NAV3: variants seen among roughly 807,000 people sequenced by gnomAD.
NAV3 encodes pore membrane and/or filament interacting like protein 1.
In NAV3, 87 loss-of-function variants were observed where a neutral mutation model predicts 244.7. That is an observed-to-expected ratio of 0.36 (90% CI 0.30 to 0.42). NAV3 has a LOEUF of 0.42. NAV3 is among the 20% of genes least tolerant of loss of function. NAV3 has a pLI of 1.00. For synonymous variants in NAV3, 1,126 were observed against 1,042.2 expected, an observed-to-expected ratio of 1.08 and a Z score of -1.55; for missense variants, 2,663 against 2,893.3, an observed-to-expected ratio of 0.92 and a Z score of 1.83.
At chr12:77,854,180 A>C (rs996638652) in intron 1 of NAV3, among the ~76,000 whole-genome samples, 1 of 152,192 alleles carries the variant, frequency 6.6e-6, no homozygotes, top group Admixed American at 6.5e-5. Context: ...TATATTTAAC[A>C]TTAAGATTAA....
At chr12:78,053,125 A>G (rs938429037) in intron 11 of NAV3, among the ~76,000 whole-genome samples, 20 of 151,692 alleles carry the variant, frequency 1.3e-4, no homozygotes, top group African/African-American at 4.8e-4. Context: ...AGGCAGGAGA[A>G]CCACCTGAAA....
At chr12:77,844,668 G>A (rs577485648) in intron 1 of NAV3, among the ~76,000 whole-genome samples, 45 of 151,930 alleles carry the variant, frequency 3.0e-4, no homozygotes, top group Non-Finnish European at 6.3e-4. Flanking sequence ...TTATTTTAAT[G>A]GTTCTATTAA....
At chr12:77,576,025 T>G (rs1869064278) in intron 2 of NAV3, among the ~76,000 whole-genome samples, 1 of 152,090 alleles carries the variant, frequency 6.6e-6, no homozygotes, top group African/African-American at 2.4e-5. Context: ...GTTTTTCACT[T>G]CCCCAAATCA....
At chr12:77,762,206 C>G (rs963779751) in intron 2 of NAV3, among the ~76,000 whole-genome samples, 18 of 152,208 alleles carry the variant, frequency 1.2e-4, no homozygotes, top group African/African-American at 4.3e-4. Flanking sequence ...CATGTTCTCA[C>G]TCATAAGTAT....
At chr12:77,659,767 A>T (rs1347278089) in intron 2 of NAV3, among the ~76,000 whole-genome samples, 1 of 152,200 alleles carries the variant, frequency 6.6e-6, no homozygotes. Flanking sequence ...ACACCATGGA[A>T]TACTATGCAG....
chr12:78,107,057 A>T (rs1302830057), intron 12 of NAV3, among the ~76,000 whole-genome samples: 1 of 152,186 alleles, frequency 6.6e-6, no homozygotes, highest in Admixed American at 6.5e-5. Flanking sequence ...TAAAGGAAAA[A>T]ATTTTCCCAT....
chr12:77,654,998 A>G (rs894288041), intron 2 of NAV3, among the ~76,000 whole-genome samples: 2 of 152,086 alleles, frequency 1.3e-5, no homozygotes, highest in African/African-American at 4.8e-5. Context: ...ATAAAACCAC[A>G]AAGATGGGGA....
chr12:77,789,508 T>TA (rs36070299), intron 2 of NAV3, among the ~76,000 whole-genome samples: 66 of 146,910 alleles, frequency 4.5e-4, no homozygotes, highest in African/African-American at 1.5e-3. Flanking sequence ...GCTAATGAGC[T>TA]AAAAAAAAAA....
intron 2 of NAV3, among the ~76,000 whole-genome samples, chr12:77,612,058 TAG>T (rs948365752): frequency 6.3e-5 from 9 of 142,428 alleles, no homozygotes; most frequent in South Asian, 2.1e-4. Flanking sequence ...AATGAACTGT[TAG>T]AAAAAAATGC....
intron 3 of NAV3, among the ~76,000 whole-genome samples, chr12:77,959,963 A>T (rs377542788): frequency 6.7e-6 from 1 of 149,864 alleles, no homozygotes; most frequent in Non-Finnish European, 1.5e-5. Flanking sequence ...AGTTTTGGAC[A>T]TATAGCAGGC....
In NAV3 at chr12:77,623,234, A is replaced by G. The variant is rs573957004; in HGVS notation, c.72+50968A>G. On this transcript the variant is annotated intron_variant, in intron 2 of 8. Coordinates refer to the NAV3 transcript ENST00000550042. ...AATTGATTTTTTATATTAAAATTAG[A>G]TAAGATCAAAAATAAAATAACAAAA... is the stretch of plus-strand genomic sequence containing the variant. Among the ~76,000 whole-genome samples, 13 of 152,336 alleles carry G rather than the reference A, an allele frequency of 8.5e-5. No individual in the cohort carries two copies. In the East Asian group the frequency reaches 1.3e-3, roughly 16 times the overall value.
At chr12:77,744,738 G>T (rs1484434012) in intron 2 of NAV3, among the ~76,000 whole-genome samples, 1 of 151,528 alleles carries the variant, frequency 6.6e-6, no homozygotes, top group African/African-American at 2.4e-5. Flanking sequence ...TAGGTTCTTT[G>T]CCATAGTCTT....
At chr12:77,758,740 A>T (rs1157612911) in intron 2 of NAV3, among the ~76,000 whole-genome samples, 1 of 152,240 alleles carries the variant, frequency 6.6e-6, no homozygotes, top group Non-Finnish European at 1.5e-5. Flanking sequence ...TAGGCAAATG[A>T]GCTAGAGATA....
At chr12:78,157,068 G>A (rs1957334408) in intron 22 of NAV3, among the ~76,000 whole-genome samples, 1 of 152,096 alleles carries the variant, frequency 6.6e-6, no homozygotes, top group Non-Finnish European at 1.5e-5. Flanking sequence ...CAGAAGTTAT[G>A]TAGAGGTTAT....
rs2138597462 is a variant in NAV3, at chr12:78,119,228, C to T, written c.3041-9C>T. 6.2e-7 allele frequency: 1 copy of T among 1,604,490 alleles called. No homozygotes were observed. ...AGGCACATATATTTGTGTATTTCTC[C>T]TTAATTAGGGAAAACCGATGATGCC... On this transcript the variant is annotated splice_polypyrimidine_tract_variant and intron_variant, in intron 14 of 39. Coordinates refer to ENST00000397909, the MANE Select transcript of NAV3 (RefSeq NM_001024383.2).
intron 2 of NAV3, among the ~76,000 whole-genome samples, chr12:77,582,385 T>A: frequency 6.6e-6 from 1 of 152,178 alleles, no homozygotes; most frequent in East Asian, 1.9e-4. Flanking sequence ...GTGTGAAAAA[T>A]AGTCCAGATT....
At chr12:78,082,120 A>G (rs1046255549) in intron 12 of NAV3, among the ~76,000 whole-genome samples, 1 of 152,156 alleles carries the variant, frequency 6.6e-6, no homozygotes, top group African/African-American at 2.4e-5. Context: ...GTTCCCCTAC[A>G]AAAGCCCTCT....
intron 2 of NAV3, among the ~76,000 whole-genome samples, chr12:77,765,593 A>G (rs1476579613): frequency 1.3e-5 from 2 of 152,220 alleles, no homozygotes; most frequent in Non-Finnish European, 2.9e-5. Flanking sequence ...GAAAGAAAGA[A>G]CATGAACAAA....
At chr12:78,167,950 A>C (rs553504688) in intron 23 of NAV3, among the ~76,000 whole-genome samples, 2 of 151,782 alleles carry the variant, frequency 1.3e-5, no homozygotes, top group African/African-American at 4.8e-5. Flanking sequence ...ATAATTATGA[A>C]AGTTCAAATT....
Sources: allele counts gnomAD v4.1 joint callset (sites outside exome capture counted in the v4.1 genomes callset), GRCh38; gene constraint gnomAD v4.1.1; transcripts MANE v1.5; gene names NCBI Gene and HGNC (gene_info 2026-07-23, HGNC 2026-07-21).